MYOF: variants seen among roughly 807,000 people sequenced by gnomAD.
MYOF encodes fer-1-like 3, myoferlin.
MYOF carries 244 observed loss-of-function variants against 284.2 expected under a neutral mutation model. The ratio of observed to expected loss-of-function variants is 0.86; its 90% confidence interval spans 0.77 to 0.95. MYOF has a LOEUF of 0.95. Ranked by LOEUF, MYOF falls within the 40% of genes least tolerant of loss-of-function variation. MYOF has a pLI of 0.00. For synonymous variants in MYOF, 904 were observed against 919.7 expected (o/e 0.98, Z 0.31); for missense variants, 2,496 against 2,560.6 (o/e 0.97, Z 0.54).
chr10:93,353,271 G>A (rs980164840), intron 32 of MYOF, among the ~76,000 whole-genome samples: 13 of 152,190 alleles, frequency 8.5e-5, no homozygotes, highest in African/African-American at 2.4e-4. Context: ...GAACCAGTCC[G>A]AAGCAACAAA....
At chr10:93,334,504 G>A (rs1038684938) in intron 41 of MYOF, among the ~76,000 whole-genome samples, 1 of 152,164 alleles carries the variant, frequency 6.6e-6, no homozygotes, top group Non-Finnish European at 1.5e-5. Flanking sequence ...TCATTAGACT[G>A]TGGGCTTCTA....
At chr10:93,326,927 C>T (rs1176947210) in intron 45 of MYOF, among the ~76,000 whole-genome samples, 5 of 152,028 alleles carry the variant, frequency 3.3e-5, no homozygotes, top group Non-Finnish European at 5.9e-5. Flanking sequence ...ATCTGGCCAC[C>T]ACTGTGATAT....
chr10:93,456,943 A>G lies in MYOF; in HGVS notation c.89-6T>C. The G allele has an allele frequency of 6.3e-7, 1 of 1,598,560 alleles. No individual in the cohort carries two copies. Among genetic ancestry groups the G allele is most frequent in the South Asian group, 1.1e-5 (1 of 90,124 alleles). ...CTTTGTTTTCTTTTTCTCATCTGCA[A>G]AAGAGATAAAGGAAGAGACAGCAAT... On this transcript the variant is annotated splice_region_variant and splice_polypyrimidine_tract_variant and intron_variant, in intron 1 of 53. Transcript: ENST00000359263.
chr10:93,390,756 A>G (rs1846637660), intron 17 of MYOF, among the ~76,000 whole-genome samples: 1 of 151,980 alleles, frequency 6.6e-6, no homozygotes, highest in Non-Finnish European at 1.5e-5. Context: ...TAAAGCAGAG[A>G]CTCACAGAGA....
chr10:93,374,151 G>A (rs1014984665), intron 23 of MYOF, among the ~76,000 whole-genome samples: 9 of 152,110 alleles, frequency 5.9e-5, no homozygotes, highest in African/African-American at 2.2e-4. Flanking sequence ...TGAGAATGAT[G>A]GTTTCCACCT....
chr10:93,332,472 G>A (rs1401799494), intron 43 of MYOF, among the ~76,000 whole-genome samples: 2 of 151,756 alleles, frequency 1.3e-5, no homozygotes, highest in Non-Finnish European at 2.9e-5. Context: ...CACCAACCTC[G>A]GCCTCCCTAA....
intron 3 of MYOF, among the ~76,000 whole-genome samples, chr10:93,437,738 C>T (rs1417684964): frequency 6.6e-6 from 1 of 152,180 alleles, no homozygotes; most frequent in Admixed American, 6.5e-5. Context: ...TTGGCCGTGC[C>T]TTGTCATTTT....
chr10:93,388,212 G>A (rs1266013200), intron 18 of MYOF, among the ~76,000 whole-genome samples: 2 of 150,908 alleles, frequency 1.3e-5, no homozygotes, highest in Non-Finnish European at 3.0e-5. Context: ...AGTTTGTGGA[G>A]GCTGGGAGGT....
At chr10:93,479,804 C>A (rs937325472) in intron 1 of MYOF, among the ~76,000 whole-genome samples, 1 of 151,972 alleles carries the variant, frequency 6.6e-6, no homozygotes, top group Admixed American at 6.6e-5. Context: ...CTTTACCACT[C>A]GATTTGTATG....
At position 93,457,040 on chromosome 10, in the gene MYOF, C is replaced by T. The variant is rs1387125246; in HGVS notation, c.89-103G>A. The stretch of plus-strand genomic sequence containing the variant: ...AACATTACCCAAGGGTCTACTTGCA[C>T]CCACATCTCCCCATTCATCGCTTAG... On this transcript the variant is annotated intron_variant, in intron 1 of 53. Transcript: ENST00000359263. The T allele has an allele frequency of 5.4e-6, 4 of 742,520 alleles. No individual in the cohort carries two copies. The Admixed American group carries it at 7.6e-5, about 14-fold the overall frequency. 46.0% of individuals were successfully genotyped at this position (742,520 alleles called of 1,614,324 possible).
In MYOF at chr10:93,397,485, G is replaced by T. The variant is rs568740678; in HGVS notation, c.1222-29C>A. ...TAAAATCACCAAAGCAAAAGTGTAG[G>T]TTTTCAAGTTTCTAATTTCTAAAAG... is the stretch of plus-strand genomic sequence containing the variant. On this transcript the variant is annotated intron_variant, in intron 13 of 53. Coordinates refer to ENST00000359263, the MANE Select transcript of MYOF (RefSeq NM_013451.4). 3.2e-6 allele frequency: 5 copies of T among 1,545,800 alleles called. No homozygotes were observed. In the South Asian group the frequency reaches 6.0e-5, roughly 18 times the overall value.
In MYOF at chr10:93,446,743, T is replaced by C. The variant is rs184874486; in HGVS notation, c.236+5307A>G. Among the ~76,000 whole-genome samples, 551 of 152,116 alleles carry C rather than the reference T, an allele frequency of 3.6e-3. 2 individuals are homozygous for C. Among genetic ancestry groups the C allele is most frequent in the Non-Finnish European group, 6.4e-3 (433 of 67,958 alleles). On this transcript the variant is annotated intron_variant, in intron 3 of 53. Transcript: ENST00000359263. The stretch of plus-strand genomic sequence containing the variant: ...CCACGTGCTCATTTGGTCTTTTTTT[T>C]TTTTTCTCACTCCGTCACCAGGGCT...
chr10:93,409,484 G>A, intron 6 of MYOF, 89 bp downstream of exon 6: 2 of 1,446,672 alleles, frequency 1.4e-6, no homozygotes, highest in Non-Finnish European at 9.4e-7. Flanking sequence ...TTGTCCATTG[G>A]AATAGGTCCA....
intron 25 of MYOF, among the ~76,000 whole-genome samples, chr10:93,367,740 T>A (rs1005975765): frequency 1.3e-5 from 2 of 151,318 alleles, no homozygotes; most frequent in Non-Finnish European, 2.9e-5. Context: ...TCAGCAGGAC[T>A]GGGGCAGGAC....
intron 7 of MYOF, among the ~76,000 whole-genome samples, chr10:93,407,110 G>A (rs1042887839): frequency 6.6e-6 from 1 of 152,138 alleles, no homozygotes; most frequent in South Asian, 2.1e-4. Context: ...TTATAAAAGA[G>A]GGCAGTAGAA....
Position 93,333,836 on chromosome 10 carries a change from G to A in MYOF, c.4641C>T (p.Asp1547=). Residue 1547 remains aspartate (D), a synonymous_variant, in exon 42 of 54, where the codon GAC becomes GAT. Transcript: ENST00000359263. ...APPRQFRELP[D]SVPQECTVRI... Reference sequence around the variant, plus strand: ...TAACCGTGCATTCCTGTGGGACGCTGTCAGGTAATTCCCGAAACTGTCTGG... The same window carrying A: ...TAACCGTGCATTCCTGTGGGACGCTATCAGGTAATTCCCGAAACTGTCTGG... 2 of 1,614,124 alleles carry A rather than the reference G, an allele frequency of 1.2e-6. No individual in the cohort carries two copies. Among genetic ancestry groups the A allele is most frequent in the Non-Finnish European group, 1.7e-6 (2 of 1,180,002 alleles).
intron 19 of MYOF, among the ~76,000 whole-genome samples, chr10:93,382,509 TC>T (rs1846173447): frequency 6.6e-6 from 1 of 152,196 alleles, no homozygotes. Flanking sequence ...AATTAAACCT[TC>T]CTTTTTCTTT....
chr10:93,389,054 G>C lies in MYOF; in HGVS notation c.1557C>G (p.Pro519=), dbSNP rs1476294072. 2.5e-6 allele frequency: 4 copies of C among 1,614,020 alleles called. No individual in the cohort carries two copies. Among genetic ancestry groups the C allele is most frequent in the Non-Finnish European group, 3.4e-6 (4 of 1,179,970 alleles). The part of the protein sequence containing the change: ...SPREYTGFPD[P]YDELNTGKGE... ...CCTTTCCAGTATTCAGCTCATCATA[G>C]GGGTCTGGGAATCCCGTGTACTCTC... Residue 519 remains proline (P), a synonymous_variant, in exon 18 of 54, where the codon CCC becomes CCG. Coordinates refer to ENST00000359263, the MANE Select transcript of MYOF (RefSeq NM_013451.4).
intron 5 of MYOF, among the ~76,000 whole-genome samples, chr10:93,413,715 G>T (rs779579938): frequency 1.3e-5 from 2 of 152,202 alleles, no homozygotes; most frequent in Non-Finnish European, 2.9e-5. Flanking sequence ...CTGGCTAGGC[G>T]CAGGGGCTCA....
Sources: gnomAD v4.1 joint callset for allele counts (sites outside exome capture counted in the v4.1 genomes callset) on GRCh38, gnomAD v4.1.1 for gene constraint, MANE v1.5 for transcripts, NCBI Gene and HGNC (gene_info 2026-07-23, HGNC 2026-07-21) for gene names.